SNX29: variants seen among roughly 807,000 people sequenced by gnomAD.
SNX29 encodes sorting nexin 29, also known as sorting nexin-29.
SNX29 carries 78 observed loss-of-function variants against 102.1 expected under a neutral mutation model. That is an observed-to-expected ratio of 0.76 (90% CI 0.64 to 0.92). The LOEUF (loss-of-function observed/expected upper bound fraction) is 0.92, where lower values mean the gene tolerates loss of function less well. Ranked by LOEUF, SNX29 falls within the 40% of genes least tolerant of loss-of-function variation. The pLI is 0.00. For missense variants in SNX29, 1,280 were observed against 1,061.7 expected (o/e 1.21, Z -2.86); for synonymous variants, 580 against 414.5 (o/e 1.40, Z -4.85).
chr16:12,561,250 C>G (rs956668827), intron 20 of SNX29: 2 of 230,116 alleles, frequency 8.7e-6, no homozygotes, highest in African/African-American at 4.4e-5. Context: ...CCACTCCCTC[C>G]CACTCCACAG....
At chr16:12,108,896 C>T (rs536249130) in intron 11 of SNX29, among the ~76,000 whole-genome samples, 153 of 151,950 alleles carry the variant, frequency 1.0e-3, no homozygotes, top group African/African-American at 3.5e-3. Flanking sequence ...TTTGGGAGGC[C>T]GAGGCAGGTG....
chr16:12,514,214 C>G (rs1262551172), intron 19 of SNX29, among the ~76,000 whole-genome samples: 3 of 152,222 alleles, frequency 2.0e-5, no homozygotes, highest in African/African-American at 4.8e-5. Flanking sequence ...TGTTTTCAGT[C>G]TCATAGAAGG....
intron 14 of SNX29, among the ~76,000 whole-genome samples, chr16:12,212,897 T>C (rs1243676575): frequency 6.6e-6 from 1 of 152,196 alleles, no homozygotes; most frequent in African/African-American, 2.4e-5. Flanking sequence ...TTGAATCACC[T>C]GCGGTCAGGA....
chr16:12,541,319 G>A (rs1445080498), intron 20 of SNX29, among the ~76,000 whole-genome samples: 1 of 152,166 alleles, frequency 6.6e-6, no homozygotes, highest in Admixed American at 6.5e-5. Flanking sequence ...CCTGATGGAG[G>A]ACTTCTGAGT....
intron 18 of SNX29, among the ~76,000 whole-genome samples, chr16:12,469,974 T>C (rs759154629): frequency 6.6e-6 from 1 of 152,194 alleles, no homozygotes; most frequent in Non-Finnish European, 1.5e-5. Flanking sequence ...GATCGCGCCA[T>C]TGCACTCCAG....
chr16:12,356,958 G>T (rs1462917028), intron 16 of SNX29, among the ~76,000 whole-genome samples: 1 of 152,230 alleles, frequency 6.6e-6, no homozygotes, highest in Non-Finnish European at 1.5e-5. Flanking sequence ...CGCTGATCTA[G>T]ATCACCTACT....
chr16:12,101,452 T>C (rs2053016402), intron 11 of SNX29, among the ~76,000 whole-genome samples: 2 of 151,856 alleles, frequency 1.3e-5, no homozygotes, highest in Admixed American at 1.3e-4. Context: ...GGCGTGATCT[T>C]GGCTCACTGC....
intron 19 of SNX29, among the ~76,000 whole-genome samples, chr16:12,506,806 A>G (rs1323975440): frequency 6.6e-6 from 1 of 152,152 alleles, no homozygotes; most frequent in Non-Finnish European, 1.5e-5. Flanking sequence ...AGGTTATACT[A>G]ACCACACTTC....
At chr16:12,177,341 T>G (rs1294475168) in intron 13 of SNX29, among the ~76,000 whole-genome samples, 1 of 152,130 alleles carries the variant, frequency 6.6e-6, no homozygotes, top group East Asian at 1.9e-4. Flanking sequence ...TGTAAAGTAG[T>G]AGGAGGAGAG....
At chr16:12,064,384 TG>T (rs749274075) in intron 9 of SNX29, among the ~76,000 whole-genome samples, 74 of 152,228 alleles carry the variant, frequency 4.9e-4, no homozygotes, top group Non-Finnish European at 9.3e-4. Context: ...CTAGAGTCCT[TG>T]CAGATTTCCT....
chr16:12,430,629 G>A (rs2085271379), intron 18 of SNX29, among the ~76,000 whole-genome samples: 1 of 152,332 alleles, frequency 6.6e-6, no homozygotes, highest in Admixed American at 6.5e-5. Flanking sequence ...GTTATTACTT[G>A]TAAAGCACTT....
chr16:11,983,964 C>T (rs2055494899), intron 1 of SNX29, among the ~76,000 whole-genome samples: 1 of 152,072 alleles, frequency 6.6e-6, no homozygotes, highest in Non-Finnish European at 1.5e-5. Context: ...GCATATAGTA[C>T]ATAAACAGAT....
At chr16:12,017,856 A>G (rs1455420814) in intron 3 of SNX29, among the ~76,000 whole-genome samples, 1 of 152,152 alleles carries the variant, frequency 6.6e-6, no homozygotes, top group African/African-American at 2.4e-5. Context: ...TATTATAGAT[A>G]AAATGCTTCC....
chr16:12,027,470 G>T, intron 4 of SNX29, 26 bp downstream of exon 4: 1 of 1,611,238 alleles, frequency 6.2e-7, no homozygotes, highest in Non-Finnish European at 8.5e-7. Flanking sequence ...GCTGTAGCTT[G>T]GAGGAGCTTG....
rs973677745 is a variant in SNX29, at chr16:12,096,359, C to T, written c.1402+17444C>T. Among the ~76,000 whole-genome samples the T allele has an allele frequency of 2.6e-5, 4 of 152,214 alleles. No homozygotes were observed. Among genetic ancestry groups the T allele is most frequent in the Non-Finnish European group, 2.9e-5 (2 of 68,040 alleles). ...TACCAAACATCTCTCATGTGCTGGG[C>T]GCAGTTCTAGGTGCTGAGGAGCCAG... On this transcript the variant is annotated intron_variant, in intron 11 of 20. Coordinates refer to ENST00000566228, the MANE Select transcript of SNX29 (RefSeq NM_032167.5). The surrounding 1 kb of genome is among the most constrained non-coding windows in gnomAD (Gnocchi z 4.2).
intron 16 of SNX29, among the ~76,000 whole-genome samples, chr16:12,382,956 A>G (rs2083225377): frequency 6.6e-6 from 1 of 152,128 alleles, no homozygotes; most frequent in Non-Finnish European, 1.5e-5. Context: ...TACATCTGCA[A>G]AGACACCTTT....
At chr16:12,074,993 C>T (rs571925972) in intron 10 of SNX29, among the ~76,000 whole-genome samples, 9 of 152,298 alleles carry the variant, frequency 5.9e-5, no homozygotes, top group East Asian at 3.9e-4. Flanking sequence ...ACCTAGTTGT[C>T]GAGCCTTGGC....
intron 9 of SNX29, 49 bp from the exon 10 acceptor site, chr16:12,069,008 C>T: frequency 1.3e-6 from 2 of 1,559,930 alleles, no homozygotes; most frequent in Non-Finnish European, 1.8e-6. Flanking sequence ...TTATGGAGAA[C>T]ATGTAGTGAG....
intron 3 of SNX29, among the ~76,000 whole-genome samples, chr16:12,013,571 C>A (rs1398121137): frequency 1.5e-5 from 2 of 129,136 alleles, no homozygotes; most frequent in African/African-American, 5.6e-5. Context: ...TGGTCTCATG[C>A]ACTGCTGGCC....
Sources: gnomAD v4.1 joint callset for allele counts (sites outside exome capture counted in the v4.1 genomes callset) on GRCh38, gnomAD v4.1.1 for gene constraint, Gnocchi (gnomAD v3.1) non-coding constraint, MANE v1.5 for transcripts, NCBI Gene and HGNC (gene_info 2026-07-23, HGNC 2026-07-21) for gene names.